Variants in EXOC4 observed in about 807,000 individuals in gnomAD.
EXOC4 encodes exocyst complex component 4.
Under a neutral mutation model 107.2 loss-of-function variants are expected in EXOC4, and 71 were observed. The ratio of observed to expected loss-of-function variants is 0.66; its 90% confidence interval spans 0.55 to 0.81. EXOC4 has a LOEUF of 0.81. Among genes scored for constraint, EXOC4 ranks in the 30% least tolerant of loss-of-function variants. The probability of loss-of-function intolerance (pLI) is 0.00; values close to 1 mark genes in which losing one functional copy is unlikely to be tolerated. For synonymous variants in EXOC4, 456 were observed against 441.2 expected (o/e 1.03, Z -0.42); for missense variants, 1,108 against 1,189.6 (o/e 0.93, Z 1.01).
chr7:133,565,415 A>G (rs771046057), intron 9 of EXOC4, among the ~76,000 whole-genome samples: 19 of 152,162 alleles, frequency 1.2e-4, no homozygotes, highest in Non-Finnish European at 2.4e-4. Context: ...TATGTTGGCA[A>G]TTACAGATGC....
chr7:133,612,033 G>A (rs1802085740), intron 9 of EXOC4, among the ~76,000 whole-genome samples: 2 of 152,096 alleles, frequency 1.3e-5, no homozygotes, highest in African/African-American at 4.8e-5. Context: ...AACTATTGAA[G>A]GGTGAATGTT....
Position 133,701,573 on chromosome 7 carries a change from T to A in EXOC4, c.1514+71432T>A, listed in dbSNP as rs111788047. Among the ~76,000 whole-genome samples the A allele has an allele frequency of 2.3e-3, 355 of 152,296 alleles. 2 individuals are homozygous for A. The highest frequency in any genetic ancestry group is 8.0e-3 in the African/African-American group (334 of 41,546). On this transcript the variant is annotated intron_variant, in intron 10 of 17. Transcript: ENST00000253861. ...TATACACTGTGTTTTTTCCTATATG[T>A]ACATACCTATGATAAGATTTAATTT...
At chr7:133,489,396 T>C (rs1012198631) in intron 9 of EXOC4, among the ~76,000 whole-genome samples, 1 of 152,218 alleles carries the variant, frequency 6.6e-6, no homozygotes, top group African/African-American at 2.4e-5. Flanking sequence ...ACCATGTATG[T>C]AGTTTAATGT....
intron 11 of EXOC4, among the ~76,000 whole-genome samples, chr7:133,823,348 T>A (rs571139702): frequency 6.6e-6 from 1 of 152,198 alleles, no homozygotes; most frequent in East Asian, 1.9e-4. Context: ...AGGAACTTCC[T>A]AAAAATACCA....
At chr7:134,053,813 T>C (rs939876496) in intron 17 of EXOC4, among the ~76,000 whole-genome samples, 7 of 152,256 alleles carry the variant, frequency 4.6e-5, no homozygotes, top group African/African-American at 1.7e-4. Flanking sequence ...TAATCCCATC[T>C]GATCCTCTTT....
chr7:133,345,466 C>T (rs1405633990), intron 5 of EXOC4, among the ~76,000 whole-genome samples: 1 of 151,874 alleles, frequency 6.6e-6, no homozygotes. Flanking sequence ...TCATCTGTTC[C>T]TTGTCCCTCC....
At chr7:133,359,664 A>C (rs1016846564) in intron 6 of EXOC4, among the ~76,000 whole-genome samples, 16 of 152,208 alleles carry the variant, frequency 1.1e-4, no homozygotes, top group Admixed American at 9.2e-4. Flanking sequence ...ATCTTATTAA[A>C]TATATTCTGG....
At chr7:134,062,393 C>G (rs1432357334) in intron 17 of EXOC4, among the ~76,000 whole-genome samples, 1 of 152,120 alleles carries the variant, frequency 6.6e-6, no homozygotes, top group East Asian at 1.9e-4. Flanking sequence ...AATTATGGAG[C>G]TCCTAGAATG....
chr7:133,630,122 A>C lies in EXOC4; in HGVS notation c.1495A>C (p.Ile499Leu). ...CKPGARNITV[I>L]FHPLLRFIQE... ...ACCTGGAGCCAGAAACATTACCGTC[A>C]TATTCCACCCATTACTAAGGTAAGT... Residue 499 changes from isoleucine (I) to leucine (L), a missense_variant, in exon 10 of 18, where the codon ATA becomes CTA. By Grantham distance (5) the Ile-to-Leu change is conservative (BLOSUM62 2). Transcript: ENST00000253861. The C allele has an allele frequency of 6.2e-7, 1 of 1,613,568 alleles. No individual in the cohort carries two copies. Among genetic ancestry groups the C allele is most frequent in the Non-Finnish European group, 8.5e-7 (1 of 1,179,544 alleles).
At chr7:133,675,165 G>A in intron 10 of EXOC4, among the ~76,000 whole-genome samples, 1 of 152,102 alleles carries the variant, frequency 6.6e-6, no homozygotes, top group East Asian at 1.9e-4. Context: ...TTTTTGGTGG[G>A]GGATGGTAGG....
At position 133,327,679 on chromosome 7, in the gene EXOC4, C is replaced by T. The variant is rs529918030; in HGVS notation, c.763+10289C>T. 2.0e-5 allele frequency among the ~76,000 whole-genome samples: 3 copies of T among 152,116 alleles called. No homozygotes were observed. In the East Asian group the frequency reaches 5.8e-4, roughly 29 times the overall value. The stretch of plus-strand genomic sequence containing the variant: ...TTTCAAGGAATATCTTTATTTCTGC[C>T]TTCATTTTGTTATTTACCCAGTAGT... On this transcript the variant is annotated intron_variant, in intron 5 of 17. Coordinates refer to ENST00000253861, the MANE Select transcript of EXOC4 (RefSeq NM_021807.4).
At position 133,481,045 on chromosome 7, in the gene EXOC4, G is replaced by A. The variant is rs543740733; in HGVS notation, c.1417+907G>A. 6 of 111,594 alleles carry A rather than the reference G, an allele frequency of 5.4e-5. No homozygotes were observed. In the East Asian group the frequency reaches 1.8e-3, roughly 34 times the overall value. The allele number at this position is 111,594 out of a possible 1,614,324, so 6.9% of individuals were successfully genotyped here. A position where few individuals can be genotyped will look rare whatever the true frequency, so the allele number is the denominator to read the frequency against. ...AGCCTGTGTGACAAAGTGAGACCATGTCTCAAAAAAAGAAAAAAAAAAAAA... is the reference window on the plus strand; with the variant it reads ...AGCCTGTGTGACAAAGTGAGACCATATCTCAAAAAAAGAAAAAAAAAAAAA... On this transcript the variant is annotated intron_variant, in intron 9 of 17. Transcript: ENST00000253861.
intron 9 of EXOC4, among the ~76,000 whole-genome samples, chr7:133,604,785 G>A (rs1801899431): frequency 8.0e-6 from 1 of 124,860 alleles, no homozygotes; most frequent in Admixed American, 1.0e-4. Flanking sequence ...GTGCAGTGGT[G>A]CAATCTTGGC....
chr7:134,023,620 C>G (rs560006954), intron 17 of EXOC4, among the ~76,000 whole-genome samples: 1 of 152,150 alleles, frequency 6.6e-6, no homozygotes, highest in African/African-American at 2.4e-5. Context: ...GGGTTCTACA[C>G]TGTGGTAAAT....
intron 10 of EXOC4, among the ~76,000 whole-genome samples, chr7:133,675,653 A>G (rs1372889918): frequency 6.6e-6 from 1 of 152,142 alleles, no homozygotes; most frequent in East Asian, 1.9e-4. Flanking sequence ...AGATTATTTG[A>G]TTTAGAGCAG....
chr7:133,959,965 G>A (rs974480125), intron 14 of EXOC4, among the ~76,000 whole-genome samples: 1 of 152,046 alleles, frequency 6.6e-6, no homozygotes, highest in African/African-American at 2.4e-5. Context: ...CTACCAAACC[G>A]AAGGAGTTTA....
At chr7:133,422,471 A>G (rs1797628921) in intron 7 of EXOC4, among the ~76,000 whole-genome samples, 1 of 152,204 alleles carries the variant, frequency 6.6e-6, no homozygotes, top group African/African-American at 2.4e-5. Flanking sequence ...TGCATTGCAT[A>G]ATAAAAAGGG....
At chr7:133,581,158 C>G (rs1801259687) in intron 9 of EXOC4, among the ~76,000 whole-genome samples, 1 of 152,096 alleles carries the variant, frequency 6.6e-6, no homozygotes, top group East Asian at 1.9e-4. Flanking sequence ...CAACTGTTCT[C>G]TGATTTATTA....
At chr7:134,082,734 C>T in the EXOC4 span, among the ~76,000 whole-genome samples, 14 of 152,326 alleles carry the variant, frequency 9.2e-5, no homozygotes, top group South Asian at 2.1e-4. Context: ...CCACCGTACC[C>T]GGCCTACTAC....
Sources: gnomAD v4.1 joint callset for allele counts (sites outside exome capture counted in the v4.1 genomes callset) on GRCh38, gnomAD v4.1.1 for gene constraint, MANE v1.5 for transcripts, NCBI Gene and HGNC (gene_info 2026-07-23, HGNC 2026-07-21) for gene names.